Variants in CCDC142 observed in about 807,000 individuals in gnomAD.
CCDC142 encodes the protein coiled-coil domain containing 142.
A neutral mutation model predicts 83.8 loss-of-function variants in CCDC142; 67 were observed. The observed-to-expected ratio is 0.80, with a 90% CI of 0.66 to 0.98. CCDC142 has a LOEUF of 0.98. Ranked by LOEUF, CCDC142 falls within the 50% of genes least tolerant of loss-of-function variation. CCDC142 has a pLI of 0.00. For synonymous variants in CCDC142, 421 were observed against 421.2 expected, an observed-to-expected ratio of 1.00 and a Z score of 0.01; for missense variants, 905 against 946.8, an observed-to-expected ratio of 0.96 and a Z score of 0.58.
rs1293675323 is a variant in CCDC142, at chr2:74,474,248, TA to T, written c.*297del. The T allele has an allele frequency of 4.6e-6, 1 of 217,752 alleles. No individual in the cohort carries two copies. Among genetic ancestry groups the T allele is most frequent in the African/African-American group, 2.3e-5 (1 of 42,650 alleles). 13.5% of individuals were successfully genotyped at this position (217,752 alleles called of 1,614,324 possible). ...ACAGGCACCCGCCACCACGCCCGGC[TA>T]ATTTTTTGTATTTTTAGTGGAAACA... On this transcript the variant is annotated 3_prime_UTR_variant, in exon 9 of 9. Coordinates refer to ENST00000393965, the MANE Select transcript of CCDC142 (RefSeq NM_001365575.2).
chr2:74,482,594 C>T lies in CCDC142; in HGVS notation c.244G>A (p.Gly82Ser). ...CGCTGCAGCGCGGGAGGGATCGGGC[C>T]GCCACCTGCGGGCCCCCGCCTCCAG... ...AAWRRGPAGG[G>S]PIPPALQRLR... Residue 82 changes from glycine to serine, a missense_variant, in exon 1 of 9, where the codon GGC (glycine) becomes AGC (serine). Coordinates refer to ENST00000393965, the MANE Select transcript of CCDC142 (RefSeq NM_001365575.2). The surrounding 1 kb of genome is among the most constrained non-coding windows in gnomAD (Gnocchi z 5.0). The T allele has an allele frequency of 6.2e-7, 1 of 1,604,230 alleles. No individual in the cohort carries two copies.
chr2:74,475,755 G>A, intron 5 of CCDC142, 29 bp from the exon 6 acceptor site: 1 of 1,398,788 alleles, frequency 7.1e-7, no homozygotes, highest in Non-Finnish European at 1.0e-6. Flanking sequence ...AGTAAAAGGG[G>A]CTTGTCAAAT....
chr2:74,480,590 CAAAAAA>C (rs374053495), intron 5 of CCDC142, among the ~76,000 whole-genome samples, 173 bp downstream of exon 5: 10 of 56,096 alleles, frequency 1.8e-4, no homozygotes, highest in African/African-American at 4.7e-4. Context: ...GACCCTGTCT[CAAAAAA>C]AAAAAAAAAA....
At position 74,482,198 on chromosome 2, in the gene CCDC142, T is replaced by TA. The variant is rs1450196693; in HGVS notation, c.639_640insT (p.Thr214TyrfsTer135). ...TGGCTCAAGGCTTTTCTCTGTAGTG[T>TA]GTGGTAGGCGGGAAGTGCAAAGAGC... is the stretch of plus-strand genomic sequence containing the variant. On this transcript the variant is annotated frameshift_variant, in exon 1 of 9. Transcript: ENST00000393965. LOFTEE classifies it high-confidence loss of function. The surrounding 1 kb of genome is among the most constrained non-coding windows in gnomAD (Gnocchi z 5.0). 6.2e-7 allele frequency: 1 copy of TA among 1,613,510 alleles called. No individual in the cohort carries two copies. Among genetic ancestry groups the TA allele is most frequent in the Non-Finnish European group, 8.5e-7 (1 of 1,179,924 alleles).
rs114473749 is a variant in CCDC142 at position 74,480,810 on chromosome 2, G to C, written c.1462C>G (p.Gln488Glu). 3,979 of 1,613,736 alleles carry C rather than the reference G, an allele frequency of 2.5e-3. 89 individuals carry two copies. In the African/African-American group the frequency reaches 0.047, roughly 19 times the overall value. Residue 488 changes from glutamine to glutamate, a missense_variant, in exon 5 of 9, where the codon CAG (glutamine) becomes GAG (glutamate). Around this residue, in one of 3 missense-constraint regions of CCDC142, gnomAD observed 49 missense variants for 86.4 expected, o/e 0.57. Transcript: ENST00000393965. ...AGCTTCTGGATCTCCAGGCCCAGCT[G>C]CTGCTCCACTTCCAGAGCTAAGCTT... ...EESLALEVEQ[Q>E]LGLEIQKLTA...
intron 6 of CCDC142, 50 bp downstream of exon 6, chr2:74,475,562 A>C: frequency 6.5e-7 from 1 of 1,530,570 alleles, no homozygotes; most frequent in South Asian, 1.1e-5. Context: ...GGGCTGAGAC[A>C]CTATTACCCC....
At chr2:74,481,194 G>A (rs1449843147) in intron 3 of CCDC142, 29 bp downstream of exon 3, 1 of 1,613,450 alleles carries the variant, frequency 6.2e-7, no homozygotes, top group Non-Finnish European at 8.5e-7. Context: ...CAACTGCTCT[G>A]TGTCCCCAGC....
rs745527914 is a variant in CCDC142 at position 74,474,641 on chromosome 2, CCACCA to C, written c.2153_2157del (p.Leu718ArgfsTer30). ...AGGGCAAGCCAGGCCTGCTGATTTC[CCACCA>C]GGTAGCCCTCCGGGCTAGGTCCCCT... On this transcript the variant is annotated frameshift_variant, in exon 9 of 9. Coordinates refer to ENST00000393965, the MANE Select transcript of CCDC142 (RefSeq NM_001365575.2). LOFTEE classifies it high-confidence loss of function. 3.1e-6 allele frequency: 5 copies of C among 1,614,246 alleles called. No individual in the cohort carries two copies. Among genetic ancestry groups the C allele is most frequent in the Non-Finnish European group, 4.2e-6 (5 of 1,180,044 alleles).
rs964633196 is a variant in CCDC142 at position 74,476,266 on chromosome 2, G to C, written c.1504-540C>G. The stretch of plus-strand genomic sequence containing the variant: ...CGGCTCACTGCAACCTCTGCCTCCC[G>C]GGTTCAAGTGATTCTCCTGCCTCAG... On this transcript the variant is annotated intron_variant, in intron 5 of 8. Transcript: ENST00000393965. Among the ~76,000 whole-genome samples the C allele has an allele frequency of 3.3e-5, 5 of 152,174 alleles. No homozygotes were observed. The East Asian group carries it at 9.7e-4, about 29-fold the overall frequency.
At chr2:74,481,652 G>A (rs1270892342) in intron 1 of CCDC142, 114 bp from the exon 2 acceptor site, 3 of 1,367,090 alleles carry the variant, frequency 2.2e-6, no homozygotes, top group Non-Finnish European at 3.1e-6. Flanking sequence ...GGACTGGGGT[G>A]GAAAGCAAGA....
intron 3 of CCDC142, 31 bp downstream of exon 3, chr2:74,481,192 C>T (rs770917057): frequency 6.2e-7 from 1 of 1,613,498 alleles, no homozygotes; most frequent in East Asian, 2.2e-5. Context: ...CTCAACTGCT[C>T]TGTGTCCCCA....
In CCDC142 at chr2:74,473,607, G is replaced by A. The variant is rs898266294; in HGVS notation, c.*939C>T. Among the ~76,000 whole-genome samples the A allele has an allele frequency of 6.6e-6, 1 of 151,416 alleles. No homozygotes were observed. The highest frequency in any genetic ancestry group is 2.0e-4 in the East Asian group (1 of 5,086). On this transcript the variant is annotated 3_prime_UTR_variant, in exon 9 of 9. Transcript: ENST00000393965. ...GCTGGGATTACAGGCGTGAGCAGGC[G>A]TGAGCCCCCTCACCTGGCCGAGCAC...
At position 74,481,945 on chromosome 2, in the gene CCDC142, G is replaced by A. The variant is rs1053778055; in HGVS notation, c.893C>T (p.Ala298Val). The A allele has an allele frequency of 1.2e-6, 2 of 1,614,030 alleles. No individual in the cohort carries two copies. The highest frequency in any genetic ancestry group is 1.7e-5 in the Admixed American group (1 of 60,024). Reference sequence around the variant, plus strand: ...CCAGTATTGGCTCCACAAGGCCCCAGCCCCTCCGAGCCCTAGTCCACAGCT... The same window carrying A: ...CCAGTATTGGCTCCACAAGGCCCCAACCCCTCCGAGCCCTAGTCCACAGCT... ...SASCGLGLGG[A>V]GALWSQYWTL... Residue 298 changes from alanine to valine, a missense_variant, in exon 1 of 9, where the codon GCT becomes GTT. Transcript: ENST00000393965.
chr2:74,480,925 C>G (rs1208124937), intron 4 of CCDC142, 31 bp downstream of exon 4: 1 of 1,612,552 alleles, frequency 6.2e-7, no homozygotes. Context: ...CTAGCTCAGG[C>G]TGCTCCCCTC....
rs757934080 is a variant in CCDC142, at chr2:74,474,854, A to C, written c.1997-52T>G. 3 of 1,580,524 alleles carry C rather than the reference A, an allele frequency of 1.9e-6. No individual in the cohort carries two copies. In the South Asian group the frequency reaches 3.5e-5, roughly 18 times the overall value. On this transcript the variant is annotated intron_variant, in intron 8 of 8. Transcript: ENST00000393965. Reference sequence around the variant, plus strand: ...TGGCTGCTGGGGATATACTGAAGCCAGATTAATGGTGAGAATAGGGTTTGG... The same window carrying C: ...TGGCTGCTGGGGATATACTGAAGCCCGATTAATGGTGAGAATAGGGTTTGG...
In CCDC142 at chr2:74,482,235, T is replaced by C. The variant is rs377636784; in HGVS notation, c.603A>G (p.Gln201=). The C allele has an allele frequency of 1.4e-5, 23 of 1,613,150 alleles. No homozygotes were observed. In the African/African-American group the frequency reaches 2.4e-4, roughly 17 times the overall value. The change falls in exon 1 of 9, where the codon CAA becomes CAG. Residue 201 remains glutamine, a synonymous_variant. Transcript: ENST00000393965. This position sits in a 1 kb window ranked among gnomAD's most constrained non-coding sequence, Gnocchi z 5.0. ...REPASPGLSS[Q]LAELLFALPA... is the part of the protein sequence containing the mutation. Reference sequence around the variant, plus strand: ...GAAGTGCAAAGAGCAGCTCGGCGAGTTGGGACGACAGGCCCGGGCTGGCGG... The same window carrying C: ...GAAGTGCAAAGAGCAGCTCGGCGAGCTGGGACGACAGGCCCGGGCTGGCGG...
chr2:74,477,553 G>T (rs993223890), intron 5 of CCDC142, among the ~76,000 whole-genome samples: 1 of 152,064 alleles, frequency 6.6e-6, no homozygotes, highest in Admixed American at 6.6e-5. Flanking sequence ...CTCTGCTCTG[G>T]TAAGGCCACC....
At chr2:74,480,031 A>T (rs1473075994) in intron 5 of CCDC142, among the ~76,000 whole-genome samples, 2 of 152,350 alleles carry the variant, frequency 1.3e-5, no homozygotes, top group South Asian at 2.1e-4. Flanking sequence ...TTTTCTTCAT[A>T]GGAGTAATCC....
chr2:74,477,971 C>A (rs1270374478), intron 5 of CCDC142, among the ~76,000 whole-genome samples: 2 of 144,010 alleles, frequency 1.4e-5, no homozygotes, highest in East Asian at 2.0e-4. Flanking sequence ...GGCTATGTCA[C>A]GAGCCAAACT....
Sources: gnomAD v4.1 joint callset for allele counts (sites outside exome capture counted in the v4.1 genomes callset) on GRCh38, gnomAD v4.1.1 for gene constraint, gnomAD v4.1.1 regional missense constraint, Gnocchi (gnomAD v3.1) non-coding constraint, MANE v1.5 for transcripts, NCBI Gene and HGNC (gene_info 2026-07-23, HGNC 2026-07-21) for gene names.